PTPRC: variants seen among roughly 807,000 people sequenced by gnomAD.
The protein encoded by PTPRC is protein tyrosine phosphatase receptor type C.
In PTPRC, 44 loss-of-function variants were observed where a neutral mutation model predicts 155.9. The observed-to-expected ratio is 0.28, with a 90% CI of 0.22 to 0.36. The LOEUF is 0.36. PTPRC is among the 10% of genes least tolerant of loss of function. PTPRC has a pLI of 1.00. For synonymous variants in PTPRC, 525 were observed against 533.1 expected, an observed-to-expected ratio of 0.98 and a Z score of 0.21; for missense variants, 1,401 against 1,564.6, an observed-to-expected ratio of 0.90 and a Z score of 1.76.
chr1:198,674,723 C>A (rs1477819901), intron 2 of PTPRC, among the ~76,000 whole-genome samples: 1 of 151,814 alleles, frequency 6.6e-6, no homozygotes, highest in Admixed American at 6.6e-5. Context: ...TACAAACAAA[C>A]CTTTTAAAAA....
At chr1:198,661,661 G>A (rs1663974925) in intron 2 of PTPRC, among the ~76,000 whole-genome samples, 1 of 151,880 alleles carries the variant, frequency 6.6e-6, no homozygotes, top group South Asian at 2.1e-4. Flanking sequence ...ATCTTTAAAA[G>A]GTTCTTGGGG....
Position 198,699,689 on chromosome 1 carries a change from A to G in PTPRC, c.424A>G (p.Ser142Gly), listed in dbSNP as rs1189264575. The change falls in exon 5 of 33, where the codon AGC becomes GGC. Residue 142 changes from serine to glycine, a missense_variant. Transcript: ENST00000442510. The stretch of plus-strand genomic sequence containing the variant: ...TGCAAAACTCAACCCTACCCCAGGC[A>G]GCAATGCTATCTCAGGTTTGCGGGT... Reference protein sequence around the residue: ...ANAKLNPTPGSNAISDVPGER... With the variant: ...ANAKLNPTPGGNAISDVPGER... The G allele has an allele frequency of 6.2e-7, 1 of 1,614,188 alleles. No homozygotes were observed. The highest frequency in any genetic ancestry group is 1.7e-5 in the Admixed American group (1 of 59,984).
chr1:198,677,977 C>T (rs1665060535), intron 2 of PTPRC, among the ~76,000 whole-genome samples: 1 of 151,256 alleles, frequency 6.6e-6, no homozygotes, highest in South Asian at 2.1e-4. Context: ...ACATTTTGTT[C>T]TTTATTGTAT....
chr1:198,677,760 T>C (rs1665042883), intron 2 of PTPRC, among the ~76,000 whole-genome samples: 1 of 152,214 alleles, frequency 6.6e-6, no homozygotes, highest in Non-Finnish European at 1.5e-5. Flanking sequence ...TGTATTACTA[T>C]GTCTAATCCT....
At position 198,732,356 on chromosome 1, in the gene PTPRC, C is replaced by T. The variant is rs1408451047; in HGVS notation, c.2031C>T (p.Asn677=). The change falls in exon 19 of 33, where the codon AAC becomes AAT. Residue 677 remains asparagine, a synonymous_variant. Coordinates refer to ENST00000442510, the MANE Select transcript of PTPRC (RefSeq NM_002838.5). ...TAAAGGAAGCTCGAAAGCCCTTTAA[C>T]CAGAATAAAAACCGTTATGTTGACA... is the stretch of plus-strand genomic sequence containing the variant. The part of the protein sequence containing the change: ...FPIKEARKPF[N]QNKNRYVDIL... 6.2e-7 allele frequency: 1 copy of T among 1,612,462 alleles called. No individual in the cohort carries two copies.
At chr1:198,672,348 C>T (rs1162647625) in intron 2 of PTPRC, among the ~76,000 whole-genome samples, 6 of 152,154 alleles carry the variant, frequency 3.9e-5, no homozygotes, top group Non-Finnish European at 5.9e-5. Flanking sequence ...GTCCTGATAC[C>T]ATCATCAAAC....
Position 198,728,445 on chromosome 1 carries a change from C to A in PTPRC, c.1826C>A (p.Ser609Tyr). The part of the protein sequence containing the change: ...YKIYDLHKKR[S>Y]CNLDEQQELV... ...ATCTATGATCTACATAAGAAAAGAT[C>A]CTGGTAAGAGTTGATTTTAAATTTT... The change falls in exon 16 of 33, where the codon TCC (serine) becomes TAC (tyrosine). Residue 609 changes from serine to tyrosine, a missense_variant. By Grantham distance (144) the Ser-to-Tyr change is moderately radical. Transcript: ENST00000442510. 2 of 1,611,788 alleles carry A rather than the reference C, an allele frequency of 1.2e-6. No individual in the cohort carries two copies. The highest frequency in any genetic ancestry group is 1.7e-6 in the Non-Finnish European group (2 of 1,178,956).
In PTPRC at chr1:198,735,248, T is replaced by G. The variant is rs750307063; in HGVS notation, c.2399T>G (p.Val800Gly). 6.3e-7 allele frequency: 1 copy of G among 1,598,458 alleles called. No homozygotes were observed. Among genetic ancestry groups the G allele is most frequent in the Non-Finnish European group, 8.5e-7 (1 of 1,170,990 alleles). ...TACATCATTCAGAAATTGAACATTGTAAATGTGAGTTTGCTTTTTACATAA... is the reference window on the plus strand; with the variant it reads ...TACATCATTCAGAAATTGAACATTGGAAATGTGAGTTTGCTTTTTACATAA... ...PDYIIQKLNI[V>G]NKKEKATGRE... is the part of the protein sequence containing the mutation. Residue 800 changes from valine (V) to glycine (G), a missense_variant, in exon 23 of 33, where the codon GTA becomes GGA. Coordinates refer to ENST00000442510, the MANE Select transcript of PTPRC (RefSeq NM_002838.5).
At chr1:198,699,467 TA>T in intron 4 of PTPRC, 96 bp from the exon 5 acceptor site, 1 of 1,401,946 alleles carries the variant, frequency 7.1e-7, no homozygotes, top group Non-Finnish European at 1.0e-6. Context: ...CACAGTTTGG[TA>T]AACTATAATC....
chr1:198,670,535 C>T (rs1664583561), intron 2 of PTPRC, among the ~76,000 whole-genome samples: 3 of 152,048 alleles, frequency 2.0e-5, no homozygotes, highest in Admixed American at 2.0e-4. Context: ...ATTATATTTT[C>T]AAAGTCTAGA....
chr1:198,641,774 T>C (rs1316076769), intron 2 of PTPRC, among the ~76,000 whole-genome samples: 2 of 152,052 alleles, frequency 1.3e-5, no homozygotes, highest in Admixed American at 1.3e-4. Context: ...GTTAGGAGTA[T>C]ATGAGTTATG....
At chr1:198,692,955 T>C (rs549238298) in intron 3 of PTPRC, 1 of 918,596 alleles carries the variant, frequency 1.1e-6, no homozygotes, top group South Asian at 5.0e-5. Context: ...TCATACATAG[T>C]ACATACAAAA....
At chr1:198,687,277 C>T (rs79726526) in intron 2 of PTPRC, among the ~76,000 whole-genome samples, 22,248 of 152,070 alleles carry the variant, frequency 0.15, 1,845 homozygotes, top group South Asian at 0.22. Context: ...TGAACCATTG[C>T]ACCTGGCCAC....
In PTPRC at chr1:198,728,397, C is replaced by T. The variant is rs894658611; in HGVS notation, c.1778C>T (p.Ala593Val). 2.5e-6 allele frequency: 4 copies of T among 1,612,890 alleles called. No homozygotes were observed. Among genetic ancestry groups the T allele is most frequent in the Non-Finnish European group, 2.5e-6 (3 of 1,179,532 alleles). The change falls in exon 16 of 33, where the codon GCC (alanine) becomes GTC (valine). Residue 593 changes from alanine (A) to valine (V), a missense_variant. Transcript: ENST00000442510. ...LAFLIIVTSI[A>V]LLVVLYKIYD... ...TTTCTGATTATTGTGACATCAATAG[C>T]CCTGCTTGTTGTTCTCTACAAAATC... is the stretch of plus-strand genomic sequence containing the variant.
intron 2 of PTPRC, among the ~76,000 whole-genome samples, chr1:198,648,503 A>G (rs1376904990): frequency 6.6e-6 from 1 of 151,782 alleles, no homozygotes. Context: ...AATTTAAGAC[A>G]TGACTGTGTG....
At chr1:198,675,919 A>C (rs553488444) in intron 2 of PTPRC, among the ~76,000 whole-genome samples, 1 of 152,296 alleles carries the variant, frequency 6.6e-6, no homozygotes, top group African/African-American at 2.4e-5. Context: ...TGTGTCAAAG[A>C]CCGAAATATC....
At chr1:198,649,545 A>G (rs894359147) in intron 2 of PTPRC, among the ~76,000 whole-genome samples, 14 of 151,902 alleles carry the variant, frequency 9.2e-5, no homozygotes, top group African/African-American at 3.1e-4. Context: ...CTTTTAAAGT[A>G]CTTAAAGAAG....
intron 15 of PTPRC, among the ~76,000 whole-genome samples, chr1:198,725,495 G>A (rs1157305303): frequency 6.6e-6 from 1 of 152,090 alleles, no homozygotes; most frequent in African/African-American, 2.4e-5. Flanking sequence ...TTGTTGTGTG[G>A]TAAAGTGTGA....
chr1:198,658,096 AC>A (rs1663702570), intron 2 of PTPRC, among the ~76,000 whole-genome samples: 1 of 152,060 alleles, frequency 6.6e-6, no homozygotes. Flanking sequence ...TCATTGGAAT[AC>A]CCTTCCTTAT....
Sources: gnomAD v4.1 joint callset for allele counts (sites outside exome capture counted in the v4.1 genomes callset) on GRCh38, gnomAD v4.1.1 for gene constraint, MANE v1.5 for transcripts, NCBI Gene and HGNC (gene_info 2026-07-23, HGNC 2026-07-21) for gene names.